The following CDKL1 variants were observed in gnomAD, a reference collection of about 807,000 sequenced individuals.
CDKL1 encodes the protein cyclin-dependent kinase-like 1.
In CDKL1, 41 loss-of-function variants were observed where a neutral mutation model predicts 42.0. The observed-to-expected ratio is 0.98, with a 90% CI of 0.76 to 1.27. CDKL1 has a LOEUF of 1.27. Ranked by LOEUF, CDKL1 falls within the 50% of genes most tolerant of loss-of-function variation. The pLI, the probability that CDKL1 is intolerant of heterozygous loss-of-function variation, is 0.00. For missense variants in CDKL1, 394 were observed against 428.4 expected (o/e 0.92, Z 0.71); for synonymous variants, 153 against 158.6 (o/e 0.96, Z 0.26).
intron 2 of CDKL1, among the ~76,000 whole-genome samples, chr14:50,394,200 C>T (rs1429955130): frequency 3.9e-5 from 6 of 152,154 alleles, no homozygotes; most frequent in Non-Finnish European, 7.4e-5. Flanking sequence ...TAATGATCAC[C>T]TCCTCCCCTG....
chr14:50,371,653 T>C (rs2034593562), intron 2 of CDKL1, among the ~76,000 whole-genome samples: 1 of 152,204 alleles, frequency 6.6e-6, no homozygotes, highest in South Asian at 2.1e-4. Flanking sequence ...GGCGCAGCCA[T>C]GGCTGTGTGC....
At chr14:50,351,773 A>G (rs1040708899) in intron 3 of CDKL1, among the ~76,000 whole-genome samples, 4 of 152,014 alleles carry the variant, frequency 2.6e-5, no homozygotes, top group Non-Finnish European at 5.9e-5. Flanking sequence ...GGAATTAGCA[A>G]CAAGATTAAA....
intron 8 of CDKL1, 190 bp downstream of exon 8, chr14:50,334,375 C>T: frequency 1.9e-6 from 1 of 514,572 alleles, no homozygotes; most frequent in Non-Finnish European, 3.5e-6. Flanking sequence ...TGGTTTTGAA[C>T]TGACCTCAGG....
chr14:50,397,286 G>A (rs749237299), upstream of CDKL1: 1 of 1,365,672 alleles, frequency 7.3e-7, no homozygotes. Flanking sequence ...TCAGTGCTGC[G>A]GCGTCAGTGA....
In CDKL1 at chr14:50,326,459, TTGA is replaced by T. The variant is rs1156291527; in HGVS notation, c.*3612_*3614del. The T allele has an allele frequency of 1.0e-4, 101 of 985,156 alleles. No homozygotes were observed. The highest frequency in any genetic ancestry group is 1.2e-4 in the Non-Finnish European group (101 of 829,824). The allele number at this position is 985,156 out of a possible 1,614,324, so 61.0% of individuals were successfully genotyped here. ...AATTAGAAGCTAAATTACAGATTCATTGATGGAGTCAATTATGCAAAGTGGTCA... is the reference window on the plus strand; with the variant it reads ...AATTAGAAGCTAAATTACAGATTCATTGGAGTCAATTATGCAAAGTGGTCA... On this transcript the variant is annotated 3_prime_UTR_variant, in exon 10 of 10. Transcript: ENST00000395834.
chr14:50,368,190 G>C (rs2034484437), intron 2 of CDKL1, among the ~76,000 whole-genome samples: 1 of 152,132 alleles, frequency 6.6e-6, no homozygotes, highest in Non-Finnish European at 1.5e-5. Flanking sequence ...GAAATCCTGG[G>C]CTCAAGCCAA....
chr14:50,329,261 T>C lies in CDKL1; in HGVS notation c.*813A>G, dbSNP rs1416306115. 1 of 152,094 alleles carries C rather than the reference T, an allele frequency of 6.6e-6. No individual in the cohort carries two copies. Among genetic ancestry groups the C allele is most frequent in the African/African-American group, 2.4e-5 (1 of 41,412 alleles). The allele number at this position is 152,094 out of a possible 1,614,324, so 9.4% of individuals were successfully genotyped here. Reference sequence around the variant, plus strand: ...CCAGAGAGAATGAAATACTAATTATTTTCAGGCTGATAGGTTCAGTTCCTG... The same window carrying C: ...CCAGAGAGAATGAAATACTAATTATCTTCAGGCTGATAGGTTCAGTTCCTG... On this transcript the variant is annotated 3_prime_UTR_variant, in exon 10 of 10. Coordinates refer to ENST00000395834, the MANE Select transcript of CDKL1 (RefSeq NM_004196.7).
At chr14:50,358,706 C>A (rs542641453) in intron 3 of CDKL1, among the ~76,000 whole-genome samples, 113 of 123,412 alleles carry the variant, frequency 9.2e-4, no homozygotes, top group African/African-American at 3.4e-3. Context: ...ATGGTGCAAT[C>A]TTGGCTCACT....
chr14:50,343,558 A>G (rs1272100333), intron 4 of CDKL1, among the ~76,000 whole-genome samples: 1 of 152,224 alleles, frequency 6.6e-6, no homozygotes, highest in Non-Finnish European at 1.5e-5. Flanking sequence ...GTACACCATG[A>G]ATATCATGAT....
chr14:50,384,232 T>C (rs765560492), intron 2 of CDKL1, among the ~76,000 whole-genome samples: 1 of 152,232 alleles, frequency 6.6e-6, no homozygotes, highest in Non-Finnish European at 1.5e-5. Flanking sequence ...GAGTCTCTTA[T>C]GAGAACATGT....
rs114109141 is a variant in CDKL1, at chr14:50,331,642, T to C, written c.966+620A>G. ...TCCTGAGGTTACCCAGGATCAGTTG[T>C]GGTTCCAACTACAGTTCATTCTAAA... On this transcript the variant is annotated intron_variant, in intron 9 of 9. Coordinates refer to ENST00000395834, the MANE Select transcript of CDKL1 (RefSeq NM_004196.7). 2.4e-3 allele frequency: 484 copies of C among 205,894 alleles called. 2 individuals are homozygous for C. Among genetic ancestry groups the C allele is most frequent in the African/African-American group, 0.01 (443 of 42,902 alleles). The allele number at this position is 205,894 out of a possible 1,614,324, so 12.8% of individuals were successfully genotyped here. A position where few individuals can be genotyped will look rare whatever the true frequency, so the allele number is the denominator to read the frequency against.
At chr14:50,385,523 G>A (rs1437761502) in intron 2 of CDKL1, among the ~76,000 whole-genome samples, 1 of 152,142 alleles carries the variant, frequency 6.6e-6, no homozygotes, top group Non-Finnish European at 1.5e-5. Flanking sequence ...TCATGGCAAT[G>A]GGCCAGGCGT....
chr14:50,389,158 G>C (rs1172281227), intron 2 of CDKL1, among the ~76,000 whole-genome samples: 1 of 148,790 alleles, frequency 6.7e-6, no homozygotes, highest in Non-Finnish European at 1.5e-5. Context: ...TCTAACTGTA[G>C]CTCCTGTCCC....
rs141204154 is a variant in CDKL1, at chr14:50,384,279, A to G, written c.168+11422T>C. The stretch of plus-strand genomic sequence containing the variant: ...AAACTGTCCAATCCCTAAGGCCCCA[A>G]ACTGGCAGCTTATATGGCAAACATT... On this transcript the variant is annotated intron_variant, in intron 2 of 9. Coordinates refer to ENST00000395834, the MANE Select transcript of CDKL1 (RefSeq NM_004196.7). 5.3e-4 allele frequency among the ~76,000 whole-genome samples: 80 copies of G among 152,360 alleles called. No homozygotes were observed. In the East Asian group the frequency reaches 0.011, roughly 22 times the overall value.
intron 2 of CDKL1, among the ~76,000 whole-genome samples, chr14:50,377,956 C>G (rs1377225626): frequency 6.6e-6 from 1 of 152,132 alleles, no homozygotes; most frequent in Non-Finnish European, 1.5e-5. Context: ...AATCTCAGGA[C>G]TTAAAGGGCA....
chr14:50,368,356 A>G (rs527398681), intron 2 of CDKL1, among the ~76,000 whole-genome samples: 104 of 152,248 alleles, frequency 6.8e-4, no homozygotes, highest in Non-Finnish European at 1.2e-3. Flanking sequence ...TCCAGGCTCA[A>G]GTGATCCTCT....
At chr14:50,377,825 A>G (rs1432337188) in intron 2 of CDKL1, 7 of 859,934 alleles carry the variant, frequency 8.1e-6, no homozygotes, top group Non-Finnish European at 1.1e-5. Flanking sequence ...TGAAAAAAGA[A>G]AAAAGAAAAT....
chr14:50,390,140 CAGT>C, intron 2 of CDKL1: 5 of 1,365,742 alleles, frequency 3.7e-6, no homozygotes, highest in Non-Finnish European at 4.9e-6. Flanking sequence ...TGCCACATAG[CAGT>C]AGATGATTCC....
Position 50,369,159 on chromosome 14 carries a change from G to A in CDKL1, c.169-10010C>T, listed in dbSNP as rs895126136. Among the ~76,000 whole-genome samples the A allele has an allele frequency of 3.9e-5, 6 of 152,124 alleles. No individual in the cohort carries two copies. In the East Asian group the frequency reaches 9.7e-4, roughly 25 times the overall value. On this transcript the variant is annotated intron_variant, in intron 2 of 9. Coordinates refer to ENST00000395834, the MANE Select transcript of CDKL1 (RefSeq NM_004196.7). Reference sequence around the variant, plus strand: ...TGAGATTATAGGTGTGAGCCACCACGCCCGGCCGCTACCCTTAACCAGGAA... The same window carrying A: ...TGAGATTATAGGTGTGAGCCACCACACCCGGCCGCTACCCTTAACCAGGAA...
Sources: gnomAD v4.1 joint callset for allele counts (sites outside exome capture counted in the v4.1 genomes callset) on GRCh38, gnomAD v4.1.1 for gene constraint, MANE v1.5 for transcripts, NCBI Gene and HGNC (gene_info 2026-07-23, HGNC 2026-07-21) for gene names.